Variants in CNTNAP1 observed in about 807,000 individuals in gnomAD.
The protein encoded by CNTNAP1 is contactin associated protein 1, also known as contactin-associated protein 1.
Under a neutral mutation model 161.5 loss-of-function variants are expected in CNTNAP1, and 80 were observed. The ratio of observed to expected loss-of-function variants is 0.50; its 90% CI spans 0.41 to 0.60. The LOEUF (loss-of-function observed/expected upper bound fraction) is 0.60. CNTNAP1 is among the 20% of genes least tolerant of loss of function. The pLI is 0.00. For synonymous variants in CNTNAP1, 695 were observed against 733.1 expected (o/e 0.95, Z 0.84); for missense variants, 1,464 against 1,854.8 (o/e 0.79, Z 3.87).
chr17:42,684,185 C>A lies in CNTNAP1; in HGVS notation c.319C>A (p.Arg107=), dbSNP rs2052975631. The A allele has an allele frequency of 1.2e-6, 2 of 1,614,074 alleles. No individual in the cohort carries two copies. Among genetic ancestry groups the A allele is most frequent in the Non-Finnish European group, 1.7e-6 (2 of 1,180,018 alleles). Residue 107 remains arginine, a synonymous_variant, in exon 3 of 24, where the codon CGA becomes AGA. Transcript: ENST00000264638. ...VTRYMLLYGD[R]VDSWTPFYQR... is the part of the protein sequence containing the mutation. Reference sequence around the variant, plus strand: ...ACGTTACATGCTACTCTACGGCGACCGAGTGGACAGCTGGACACCGTTCTA... The same window carrying A: ...ACGTTACATGCTACTCTACGGCGACAGAGTGGACAGCTGGACACCGTTCTA...
At chr17:42,698,530 A>AGTGCGTGTGT (rs2053181530) in intron 23 of CNTNAP1, 88 bp from the exon 24 acceptor site, 1 of 1,039,584 alleles carries the variant, frequency 9.6e-7, no homozygotes, top group Non-Finnish European at 1.4e-6. Context: ...AATCTCAAAG[A>AGTGCGTGTGT]GTGCGTGTGT....
rs768648719 is a variant in CNTNAP1 at position 42,699,559 on chromosome 17, T to C, written c.*649T>C. 6.5e-6 allele frequency: 1 copy of C among 152,792 alleles called. No individual in the cohort carries two copies. The highest frequency in any genetic ancestry group is 6.5e-5 in the Admixed American group (1 of 15,278). The allele number at this position is 152,792 out of a possible 1,614,324, so 9.5% of individuals were successfully genotyped here. A position where few individuals can be genotyped will look rare whatever the true frequency, so the allele number is the denominator to read the frequency against. ...TGCAACGTAGAGAAAATAATGCAGA[T>C]ACCCTGACTAGCCAGCCCTCTACTC... is the stretch of plus-strand genomic sequence containing the variant. On this transcript the variant is annotated 3_prime_UTR_variant, in exon 24 of 24. Transcript: ENST00000264638.
chr17:42,698,810 C>A lies in CNTNAP1; in HGVS notation c.4055C>A (p.Ala1352Asp), dbSNP rs547056058. ...VPTPTAAPNQ[A>D]PASAPAPAPT... ...ACCCCTACAGCAGCTCCCAACCAAG[C>A]TCCAGCCTCAGCCCCAGCCCCAGCC... The change falls in exon 24 of 24, where the codon GCT (alanine) becomes GAT (aspartate). Residue 1352 changes from alanine to aspartate, a missense_variant. Physicochemically the swap from Ala to Asp is moderately radical, Grantham distance 126 (BLOSUM62 -2). Around this residue, in one of 3 missense-constraint regions of CNTNAP1, gnomAD observed 1,383 missense variants for 1,765.0 expected, o/e 0.78. Transcript: ENST00000264638. 9.9e-6 allele frequency: 16 copies of A among 1,608,574 alleles called. No individual in the cohort carries two copies. The East Asian group carries it at 2.5e-4, about 25-fold the overall frequency.
rs922782151 is a variant in CNTNAP1, at chr17:42,692,562, C to T, written c.2594C>T (p.Ser865Leu). The T allele has an allele frequency of 6.2e-6, 10 of 1,614,226 alleles. No homozygotes were observed. The highest frequency in any genetic ancestry group is 8.5e-6 in the Non-Finnish European group (10 of 1,180,048). ...GGGGATGAGAACCTCACAGTACACT[C>T]AGACGACTTTGAGTTCAATGATGAC... The part of the protein sequence containing the change: ...GNGDENLTVH[S>L]DDFEFNDDEW... The change falls in exon 17 of 24, where the codon TCA (serine) becomes TTA (leucine). Residue 865 changes from serine (S) to leucine (L), a missense_variant. Coordinates refer to ENST00000264638, the MANE Select transcript of CNTNAP1 (RefSeq NM_003632.3).
At chr17:42,684,281 C>T in intron 3 of CNTNAP1, 52 bp downstream of exon 3, 1 of 1,545,036 alleles carries the variant, frequency 6.5e-7, no homozygotes, top group Non-Finnish European at 8.8e-7. Flanking sequence ...CTGCTCCAGG[C>T]TCTGGGCCGG....
At chr17:42,697,246 G>GCCCCCCCCC in intron 20 of CNTNAP1, 28 bp from the exon 21 acceptor site, 1 of 1,526,162 alleles carries the variant, frequency 6.6e-7, no homozygotes. Context: ...CTCCCTCATC[G>GCCCCCCCCC]CCCTCCCCCT....
Position 42,685,951 on chromosome 17 carries a change from C to A in CNTNAP1, c.716-6C>A, listed in dbSNP as rs562643035. 3 of 1,613,884 alleles carry A rather than the reference C, an allele frequency of 1.9e-6. No homozygotes were observed. Among genetic ancestry groups the A allele is most frequent in the Non-Finnish European group, 1.7e-6 (2 of 1,179,840 alleles). ...GAGGTTTCACTCTGTCCTGCCCCAC[C>A]CTCAGGCAGCAGCCCTATCCAGCCA... On this transcript the variant is annotated splice_polypyrimidine_tract_variant and splice_region_variant and intron_variant, in intron 5 of 23. Transcript: ENST00000264638. The surrounding 1 kb of genome is among the most constrained non-coding windows in gnomAD (Gnocchi z 5.0).
chr17:42,687,759 C>T lies in CNTNAP1; in HGVS notation c.1084C>T (p.Pro362Ser). Reference sequence around the variant, plus strand: ...TCGTTGCCTGGACCCGGTACCGCACCCTATCAACTTCGGAGGCCCTCACAA... The same window carrying T: ...TCGTTGCCTGGACCCGGTACCGCACTCTATCAACTTCGGAGGCCCTCACAA... ...AFRCLDPVPH[P>S]INFGGPHNFV... is the part of the protein sequence containing the mutation. Residue 362 changes from proline (P) to serine (S), a missense_variant, in exon 8 of 24, where the codon CCT (proline) becomes TCT (serine). Pro to Ser is a moderately conservative substitution (Grantham distance 74). Around this residue, in one of 3 missense-constraint regions of CNTNAP1, gnomAD observed 1,383 missense variants for 1,765.0 expected, o/e 0.78. Transcript: ENST00000264638. This position sits in a 1 kb window ranked among gnomAD's most constrained non-coding sequence, Gnocchi z 4.7. 1.9e-6 allele frequency: 3 copies of T among 1,614,192 alleles called. No individual in the cohort carries two copies. In the East Asian group the frequency reaches 6.7e-5, roughly 36 times the overall value.
At chr17:42,689,788 T>C in intron 11 of CNTNAP1, 161 bp downstream of exon 11, 1 of 644,666 alleles carries the variant, frequency 1.6e-6, no homozygotes, top group South Asian at 1.8e-5. Flanking sequence ...TTGCCCAGGC[T>C]AGAGTGCAGT....
intron 18 of CNTNAP1, 80 bp from the exon 19 acceptor site, chr17:42,695,427 AGTAAGTCTCAGGAT>A: frequency 1.0e-6 from 1 of 999,420 alleles, no homozygotes; most frequent in Non-Finnish European, 1.5e-6. Context: ...CAGAAACTGA[AGTAAGTCTCAGGAT>A]GTGTGTATGG....
chr17:42,690,505 C>T (rs972540985), intron 12 of CNTNAP1, among the ~76,000 whole-genome samples: 4 of 132,176 alleles, frequency 3.0e-5, no homozygotes, highest in Admixed American at 1.7e-4. Context: ...GCCTGGGCAA[C>T]AGAGCGAGAC....
chr17:42,683,710 G>A, intron 1 of CNTNAP1, 111 bp from the exon 2 acceptor site: 4 of 1,478,196 alleles, frequency 2.7e-6, no homozygotes, highest in South Asian at 2.7e-5. Context: ...TGTGCCTCTG[G>A]GGGCGGGGGT....
intron 12 of CNTNAP1, 27 bp downstream of exon 12, chr17:42,690,234 G>T (rs878866842): frequency 2.5e-6 from 4 of 1,613,164 alleles, no homozygotes; most frequent in Admixed American, 1.7e-5. Context: ...GGTGGTGAGG[G>T]GGTGAGGGGA....
At position 42,686,039 on chromosome 17, in the gene CNTNAP1, G is replaced by A. The variant is rs775401828; in HGVS notation, c.798G>A (p.Val266=). The change falls in exon 6 of 24, where the codon GTG becomes GTA. Residue 266 remains valine, a synonymous_variant. Coordinates refer to ENST00000264638, the MANE Select transcript of CNTNAP1 (RefSeq NM_003632.3). The part of the protein sequence containing the change: ...GVLNDQHWHY[V]RVDRFGRDVN... ...TCAATGACCAGCACTGGCACTATGT[G>A]CGGGTGGACCGATTTGGCCGCGATG... 1.2e-6 allele frequency: 2 copies of A among 1,614,190 alleles called. No individual in the cohort carries two copies. The highest frequency in any genetic ancestry group is 4.5e-5 in the East Asian group (2 of 44,890).
intron 1 of CNTNAP1, chr17:42,683,322 G>T (rs1034324799): frequency 4.5e-5 from 49 of 1,089,714 alleles, no homozygotes; most frequent in Non-Finnish European, 5.2e-5. Flanking sequence ...TTGTGGCAGG[G>T]ATCCAAGCAG....
chr17:42,692,032 A>G (rs2143665683), intron 16 of CNTNAP1, 41 bp downstream of exon 16: 1 of 1,597,566 alleles, frequency 6.3e-7, no homozygotes, highest in Non-Finnish European at 8.6e-7. Context: ...GGTAGATGAA[A>G]GTGCTGTCTG....
rs2053028134 is a variant in CNTNAP1 at position 42,687,111 on chromosome 17, G to T, written c.1044+65G>T. On this transcript the variant is annotated intron_variant, in intron 7 of 23. Transcript: ENST00000264638. The surrounding 1 kb of genome is among the most constrained non-coding windows in gnomAD (Gnocchi z 4.7). Reference sequence around the variant, plus strand: ...GCGTCGTGGAAAGCAAAGAGGTGGAGCGGGAAGAGATATTGAACATCAGAT... The same window carrying T: ...GCGTCGTGGAAAGCAAAGAGGTGGATCGGGAAGAGATATTGAACATCAGAT... 3 of 1,570,786 alleles carry T rather than the reference G, an allele frequency of 1.9e-6. No homozygotes were observed. Among genetic ancestry groups the T allele is most frequent in the Non-Finnish European group, 2.6e-6 (3 of 1,151,128 alleles).
Position 42,697,545 on chromosome 17 carries a change from C to G in CNTNAP1, c.3569-9C>G, listed in dbSNP as rs375102328. 5.6e-6 allele frequency: 9 copies of G among 1,613,648 alleles called. No individual in the cohort carries two copies. The African/African-American group carries it at 1.1e-4, about 19-fold the overall frequency. On this transcript the variant is annotated splice_polypyrimidine_tract_variant and intron_variant, in intron 21 of 23. Transcript: ENST00000264638. ...CAAGTCCCTCTTTCTGGGCCTGCCT[C>G]TCTCTCAGAGACAGGAGTCATTGAC...
chr17:42,690,275 GC>G, intron 12 of CNTNAP1, 68 bp downstream of exon 12: 1 of 1,579,536 alleles, frequency 6.3e-7, no homozygotes, highest in Non-Finnish European at 8.7e-7. Flanking sequence ...GTGGGTGGGG[GC>G]CAGTTAGACT....
Sources: gnomAD v4.1 joint callset for allele counts (sites outside exome capture counted in the v4.1 genomes callset) on GRCh38, gnomAD v4.1.1 for gene constraint, gnomAD v4.1.1 regional missense constraint, Gnocchi (gnomAD v3.1) non-coding constraint, MANE v1.5 for transcripts, NCBI Gene and HGNC (gene_info 2026-07-23, HGNC 2026-07-21) for gene names.